Variants in RP1 observed in about 807,000 individuals in gnomAD.
RP1 encodes the protein RP1 axonemal microtubule associated, also known as oxygen-regulated protein 1.
RP1 carries 16 observed loss-of-function variants against 14.8 expected under a neutral mutation model. The observed-to-expected ratio is 1.08, with a 90% CI of 0.73 to 1.65. The LOEUF is 1.65. RP1 is among the 40% of genes most tolerant of loss of function. The pLI is 0.00. For missense variants in RP1, 2,631 were observed against 2,535.0 expected, an observed-to-expected ratio of 1.04 and a Z score of -0.81; for synonymous variants, 876 against 883.6, an observed-to-expected ratio of 0.99 and a Z score of 0.15.
At chr8:54,724,268 T>TA (rs1808600080) in intron 16 of RP1, among the ~76,000 whole-genome samples, 1 of 152,220 alleles carries the variant, frequency 6.6e-6, no homozygotes, top group South Asian at 2.1e-4. Flanking sequence ...ATATATGCAC[T>TA]AATATGACAC....
chr8:54,627,013 A>AT lies in RP1; in HGVS notation c.3131_3132insT (p.Lys1044AsnfsTer17). 1 of 1,614,006 alleles carries AT rather than the reference A, an allele frequency of 6.2e-7. No individual in the cohort carries two copies. Among genetic ancestry groups the AT allele is most frequent in the Non-Finnish European group, 8.5e-7 (1 of 1,179,950 alleles). Reference sequence around the variant, plus strand: ...ACTAAAAGTCATATAGCTGCTGAAAAATCAGGACCAGAGAAAAAACTTGTT... The same window carrying AT: ...ACTAAAAGTCATATAGCTGCTGAAAATATCAGGACCAGAGAAAAAACTTGTT... On this transcript the variant is annotated frameshift_variant, in exon 4 of 4. Coordinates refer to ENST00000220676, the MANE Select transcript of RP1 (RefSeq NM_006269.2). LOFTEE classifies it low-confidence loss of function (END_TRUNC).
intron 12 of RP1, among the ~76,000 whole-genome samples, chr8:54,685,815 A>G (rs1435758238): frequency 6.6e-6 from 1 of 152,188 alleles, no homozygotes; most frequent in East Asian, 1.9e-4. Context: ...AGCTGATGCA[A>G]CACTTGAACT....
At chr8:54,708,720 T>C (rs2129345909) in intron 15 of RP1, among the ~76,000 whole-genome samples, 1 of 152,224 alleles carries the variant, frequency 6.6e-6, no homozygotes, top group Admixed American at 6.5e-5. Flanking sequence ...TCTTCCATTT[T>C]TTTTTTTTTT....
chr8:54,616,650 T>C (rs1373682179), intron 1 of RP1, among the ~76,000 whole-genome samples: 1 of 152,250 alleles, frequency 6.6e-6, no homozygotes, highest in Non-Finnish European at 1.5e-5. Context: ...CTGATTTTTC[T>C]TGCAACATCA....
intron 4 of RP1, among the ~76,000 whole-genome samples, chr8:54,652,411 C>T (rs758043026): frequency 2.6e-5 from 4 of 151,982 alleles, no homozygotes; most frequent in South Asian, 2.1e-4. Context: ...TCCTGGAGAA[C>T]GTTCCATGTG....
At chr8:54,690,716 C>T (rs769779116) in intron 12 of RP1, among the ~76,000 whole-genome samples, 2 of 151,948 alleles carry the variant, frequency 1.3e-5, no homozygotes, top group Non-Finnish European at 2.9e-5. Flanking sequence ...AGCACCTTTA[C>T]TGAGCTGCAG....
intron 19 of RP1, among the ~76,000 whole-genome samples, chr8:54,752,383 G>A (rs1267423023): frequency 1.3e-5 from 2 of 152,176 alleles, no homozygotes; most frequent in African/African-American, 4.8e-5. Flanking sequence ...ATAAATGTTT[G>A]CAAAGGGAAA....
intron 1 of RP1, among the ~76,000 whole-genome samples, chr8:54,585,973 G>A (rs7819822): frequency 0.012 from 1,843 of 152,158 alleles, 28 homozygotes; most frequent in African/African-American, 0.041. Context: ...TAGTTTGATC[G>A]TCTGAAGCCT....
chr8:54,767,911 G>A (rs1809800979), intron 22 of RP1, among the ~76,000 whole-genome samples: 1 of 152,208 alleles, frequency 6.6e-6, no homozygotes, highest in African/African-American at 2.4e-5. Flanking sequence ...TCATAGCTTT[G>A]GAAAAATGGA....
chr8:54,676,790 A>G (rs998613370), intron 8 of RP1, among the ~76,000 whole-genome samples: 3 of 152,184 alleles, frequency 2.0e-5, no homozygotes, highest in Admixed American at 6.6e-5. Flanking sequence ...GTTAAAATCA[A>G]TGTATCATTA....
intron 12 of RP1, among the ~76,000 whole-genome samples, chr8:54,682,175 G>A (rs1188696527): frequency 6.6e-6 from 1 of 151,866 alleles, no homozygotes; most frequent in Non-Finnish European, 1.5e-5. Flanking sequence ...GTAAAAGCAT[G>A]CCTTTTTCTC....
At chr8:54,575,363 ATTTC>A (rs1321230541) in intron 1 of RP1, among the ~76,000 whole-genome samples, 1 of 151,416 alleles carries the variant, frequency 6.6e-6, no homozygotes, top group African/African-American at 2.4e-5. Context: ...AACAATGTCT[ATTTC>A]TTTCTTTAAG....
At chr8:54,838,562 C>T (rs910063952) in intron 25 of RP1, among the ~76,000 whole-genome samples, 8 of 151,950 alleles carry the variant, frequency 5.3e-5, no homozygotes, top group Admixed American at 3.9e-4. Flanking sequence ...AATGTATGTG[C>T]ATGAATGCTT....
rs770996359 is a variant in RP1 at position 54,706,442 on chromosome 8, G to A, written c.1999-1G>A. The A allele has an allele frequency of 6.5e-7, 1 of 1,535,594 alleles. No individual in the cohort carries two copies. The highest frequency in any genetic ancestry group is 1.4e-5 in the African/African-American group (1 of 73,014). On this transcript the variant is annotated splice_acceptor_variant, in intron 14 of 22. Coordinates refer to the RP1 transcript ENST00000636932. LOFTEE classifies it high-confidence loss of function. Reference sequence around the variant, plus strand: ...TTTCTGTTCTGTTTGTTGCTCTGAAGGGGGTGTTCCTCAACAGTGCTGTGG... The same window carrying A: ...TTTCTGTTCTGTTTGTTGCTCTGAAAGGGGTGTTCCTCAACAGTGCTGTGG...
chr8:54,603,717 G>A (rs1277857834), intron 1 of RP1, among the ~76,000 whole-genome samples: 1 of 152,126 alleles, frequency 6.6e-6, no homozygotes, highest in Non-Finnish European at 1.5e-5. Flanking sequence ...ATTTCATTGA[G>A]CAGTGGTTTG....
chr8:54,839,524 C>G (rs778851134), intron 25 of RP1, among the ~76,000 whole-genome samples: 1 of 152,202 alleles, frequency 6.6e-6, no homozygotes, highest in African/African-American at 2.4e-5. Flanking sequence ...ATGACTCCGC[C>G]TCTTCTGGCC....
chr8:54,790,974 G>A (rs149184361), intron 24 of RP1, among the ~76,000 whole-genome samples: 3 of 152,162 alleles, frequency 2.0e-5, no homozygotes, highest in Non-Finnish European at 2.9e-5. Flanking sequence ...AATTTGGGGA[G>A]AGAAATAGAC....
chr8:54,752,492 T>C (rs1422195076), intron 19 of RP1, among the ~76,000 whole-genome samples: 2 of 152,208 alleles, frequency 1.3e-5, no homozygotes, highest in African/African-American at 4.8e-5. Context: ...TTTTTGTACA[T>C]TTGTATGATT....
At chr8:54,799,191 T>C (rs1448111702) in intron 24 of RP1, among the ~76,000 whole-genome samples, 1 of 152,052 alleles carries the variant, frequency 6.6e-6, no homozygotes, top group Non-Finnish European at 1.5e-5. Flanking sequence ...AACAGAAAGC[T>C]ATATGTGATT....
Sources: allele counts gnomAD v4.1 joint callset (sites outside exome capture counted in the v4.1 genomes callset), GRCh38; gene constraint gnomAD v4.1.1; transcripts MANE v1.5; gene names NCBI Gene and HGNC (gene_info 2026-07-23, HGNC 2026-07-21).